Variants in ZW10 observed in about 807,000 individuals in gnomAD.
The protein encoded by ZW10 is zw10 kinetochore protein.
A neutral mutation model predicts 87.8 loss-of-function variants in ZW10; 53 were observed. That is an observed-to-expected ratio of 0.60 (90% confidence interval 0.48 to 0.76). The LOEUF (loss-of-function observed/expected upper bound fraction) is 0.76, where lower values mean the gene tolerates loss of function less well. ZW10 is among the 30% of genes least tolerant of loss of function. The pLI is 0.00. For synonymous variants in ZW10, 312 were observed against 329.2 expected, an observed-to-expected ratio of 0.95 and a Z score of 0.57; for missense variants, 837 against 923.0, an observed-to-expected ratio of 0.91 and a Z score of 1.21.
chr11:113,769,354 T>A (rs141986236), intron 1 of ZW10, among the ~76,000 whole-genome samples: 6 of 152,270 alleles, frequency 3.9e-5, no homozygotes, highest in East Asian at 1.9e-4. Flanking sequence ...CATATTGAAC[T>A]ATATCAGACT....
chr11:113,752,817 C>T (rs190603771), intron 7 of ZW10, among the ~76,000 whole-genome samples: 5 of 152,238 alleles, frequency 3.3e-5, no homozygotes, highest in East Asian at 1.9e-4. Flanking sequence ...ATGGCTTATA[C>T]GTGTTCAAGT....
intron 15 of ZW10, among the ~76,000 whole-genome samples, chr11:113,735,784 T>A (rs532752848): frequency 1.3e-5 from 2 of 151,568 alleles, no homozygotes; most frequent in African/African-American, 2.4e-5. Context: ...TAACTGATGG[T>A]GTTGAGAGAA....
chr11:113,744,859 A>G (rs1953663682), intron 9 of ZW10, among the ~76,000 whole-genome samples: 1 of 152,192 alleles, frequency 6.6e-6, no homozygotes, highest in African/African-American at 2.4e-5. Flanking sequence ...CCCGGCCCCA[A>G]GCATTCTTAA....
chr11:113,773,547 C>CT lies in ZW10; in HGVS notation c.105+14dup. 4.4e-6 allele frequency: 7 copies of CT among 1,608,646 alleles called. No homozygotes were observed. Among genetic ancestry groups the CT allele is most frequent in the Non-Finnish European group, 5.9e-6 (7 of 1,177,676 alleles). On this transcript the variant is annotated intron_variant, in intron 1 of 15. Transcript: ENST00000200135. Reference sequence around the variant, plus strand: ...GAGTCCCCTTCCAGTCAGCAGACAGCTGCCCCGCTCTCACCTTGATCTCCT... The same window carrying CT: ...GAGTCCCCTTCCAGTCAGCAGACAGCTTGCCCCGCTCTCACCTTGATCTCCT...
chr11:113,745,794 C>CA (rs764066147), intron 9 of ZW10, among the ~76,000 whole-genome samples: 12 of 152,038 alleles, frequency 7.9e-5, no homozygotes, highest in Non-Finnish European at 1.5e-4. Flanking sequence ...ACAGTGAGTA[C>CA]ACATAGGGGA....
intron 6 of ZW10, 110 bp from the exon 7 acceptor site, chr11:113,757,963 A>G: frequency 1.2e-6 from 1 of 842,766 alleles, no homozygotes; most frequent in Non-Finnish European, 1.7e-6. Context: ...AGGCAGGTGG[A>G]TCATCTGAGG....
intron 7 of ZW10, among the ~76,000 whole-genome samples, chr11:113,756,846 T>A (rs907507036): frequency 2.0e-5 from 3 of 152,208 alleles, no homozygotes; most frequent in African/African-American, 7.2e-5. Flanking sequence ...GGGAAGGCTC[T>A]GGGAACAAGA....
chr11:113,756,104 GTAAT>G (rs1953781912), intron 7 of ZW10, among the ~76,000 whole-genome samples: 1 of 152,120 alleles, frequency 6.6e-6, no homozygotes, highest in Non-Finnish European at 1.5e-5. Flanking sequence ...CTTTAAGGAG[GTAAT>G]TAAGGTTACA....
chr11:113,765,853 T>TGTC (rs1389394084), intron 2 of ZW10, among the ~76,000 whole-genome samples: 4 of 152,176 alleles, frequency 2.6e-5, no homozygotes, highest in Non-Finnish European at 5.9e-5. Context: ...ACAGAGATGG[T>TGTC]GTCTCCCTCC....
rs1484107035 is a variant in ZW10 at position 113,773,553 on chromosome 11, C to T, written c.105+9G>A. 6.2e-7 allele frequency: 1 copy of T among 1,610,864 alleles called. No homozygotes were observed. Among genetic ancestry groups the T allele is most frequent in the East Asian group, 2.2e-5 (1 of 44,860 alleles). The stretch of plus-strand genomic sequence containing the variant: ...CCTTCCAGTCAGCAGACAGCTGCCC[C>T]GCTCTCACCTTGATCTCCTCCACCC... On this transcript the variant is annotated intron_variant, in intron 1 of 15. Coordinates refer to ENST00000200135, the MANE Select transcript of ZW10 (RefSeq NM_004724.4).
intron 10 of ZW10, 136 bp from the exon 11 acceptor site, chr11:113,741,901 G>T: frequency 1.8e-6 from 1 of 549,504 alleles, no homozygotes. Flanking sequence ...CTTGGTTGCT[G>T]GAAAACACCA....
rs896198726 is a variant in ZW10 at position 113,763,765 on chromosome 11, T to C, written c.241-2847A>G. 2.6e-5 allele frequency among the ~76,000 whole-genome samples: 4 copies of C among 152,346 alleles called. No homozygotes were observed. The South Asian group carries it at 6.2e-4, about 24-fold the overall frequency. ...TTGTAAATTCTGGATATTAGACCTT[T>C]GTCACATGGGTAGATTGCAAAAATT... On this transcript the variant is annotated intron_variant, in intron 2 of 15. Transcript: ENST00000200135.
intron 7 of ZW10, among the ~76,000 whole-genome samples, chr11:113,755,873 C>T (rs898923889): frequency 6.6e-6 from 1 of 152,106 alleles, no homozygotes; most frequent in African/African-American, 2.4e-5. Context: ...CTCAGATGAT[C>T]GTTGGCACTT....
At chr11:113,740,852 C>T (rs1416308124) in intron 11 of ZW10, among the ~76,000 whole-genome samples, 1 of 152,274 alleles carries the variant, frequency 6.6e-6, no homozygotes, top group East Asian at 1.9e-4. Flanking sequence ...CGAGGTTATA[C>T]GAAGGAGAAA....
In ZW10 at chr11:113,743,994, T is replaced by C. The variant is rs752104149; in HGVS notation, c.1319A>G (p.Asp440Gly). The C allele has an allele frequency of 9.3e-6, 15 of 1,614,050 alleles. No homozygotes were observed. The Admixed American group carries it at 2.0e-4, about 22-fold the overall frequency. The change falls in exon 10 of 16, where the codon GAT (aspartate) becomes GGT (glycine). Residue 440 changes from aspartate (D) to glycine (G), a missense_variant. Physicochemically the swap from Asp to Gly is moderately conservative, Grantham distance 94. Coordinates refer to ENST00000200135, the MANE Select transcript of ZW10 (RefSeq NM_004724.4). ...CTGTACTTCCAGTTTGTTATCCTCA[T>C]CAGGAGTGGGTAACTCTGGCACATT... ...KINVPELPTP[D>G]EDNKLEVQKV...
intron 8 of ZW10, 113 bp downstream of exon 8, chr11:113,748,144 A>T: frequency 1.0e-6 from 1 of 966,158 alleles, no homozygotes; most frequent in Non-Finnish European, 1.4e-6. Flanking sequence ...ATTCCTTATT[A>T]ATAATTTACT....
At chr11:113,755,382 T>A (rs1053692333) in intron 7 of ZW10, among the ~76,000 whole-genome samples, 9 of 152,164 alleles carry the variant, frequency 5.9e-5, no homozygotes, top group Admixed American at 5.9e-4. Context: ...GAACTGCCAA[T>A]GTACTAGAAA....
At chr11:113,747,798 A>T (rs1054724193) in intron 8 of ZW10, 85 bp from the exon 9 acceptor site, 47 of 1,139,096 alleles carry the variant, frequency 4.1e-5, no homozygotes, top group Non-Finnish European at 5.6e-5. Context: ...TGTATAAAAA[A>T]ATGAGGACCA....
At chr11:113,736,208 G>C (rs1424088788) in intron 15 of ZW10, among the ~76,000 whole-genome samples, 1 of 152,020 alleles carries the variant, frequency 6.6e-6, no homozygotes, top group Non-Finnish European at 1.5e-5. Flanking sequence ...CCACGAGTTT[G>C]AGGCTGCAGT....
Sources: gnomAD v4.1 joint callset for allele counts (sites outside exome capture counted in the v4.1 genomes callset) on GRCh38, gnomAD v4.1.1 for gene constraint, MANE v1.5 for transcripts, NCBI Gene and HGNC (gene_info 2026-07-23, HGNC 2026-07-21) for gene names.